Variants in SPAG16 observed in about 807,000 individuals in gnomAD.
The protein encoded by SPAG16 is sperm-associated antigen 16 protein.
In SPAG16, 86 loss-of-function variants were observed where a neutral mutation model predicts 80.4. That is an observed-to-expected ratio of 1.07 (90% CI 0.90 to 1.28). SPAG16 has a LOEUF of 1.28. Ranked by LOEUF, SPAG16 falls within the 50% of genes most tolerant of loss-of-function variation. The pLI, the probability that SPAG16 is intolerant of heterozygous loss-of-function variation, is 0.00. For synonymous variants in SPAG16, 294 were observed against 265.9 expected (o/e 1.11, Z -1.03); for missense variants, 870 against 765.3 (o/e 1.14, Z -1.61).
At chr2:214,368,295 C>A (rs182127620) in intron 15 of SPAG16, among the ~76,000 whole-genome samples, 1 of 152,178 alleles carries the variant, frequency 6.6e-6, no homozygotes, top group East Asian at 1.9e-4. Flanking sequence ...CCAACCCTAT[C>A]TTTTCCTGTC....
chr2:213,286,683 A>G (rs1018215766), intron 1 of SPAG16, among the ~76,000 whole-genome samples: 1 of 152,202 alleles, frequency 6.6e-6, no homozygotes, highest in Non-Finnish European at 1.5e-5. Context: ...CTTCTAATCT[A>G]CTGCATTTGG....
At chr2:214,307,004 C>A (rs1246542269) in intron 15 of SPAG16, among the ~76,000 whole-genome samples, 5 of 151,934 alleles carry the variant, frequency 3.3e-5, no homozygotes, top group Admixed American at 3.3e-4. Context: ...GGTGTGAATC[C>A]GTCTAGTTCT....
chr2:213,577,488 C>A (rs1222537630), intron 10 of SPAG16, among the ~76,000 whole-genome samples: 4 of 152,128 alleles, frequency 2.6e-5, no homozygotes, highest in Non-Finnish European at 5.9e-5. Context: ...CCCTCCGTTT[C>A]CTGATAAGCC....
chr2:214,129,539 C>G (rs745900777), intron 14 of SPAG16, among the ~76,000 whole-genome samples: 5 of 152,050 alleles, frequency 3.3e-5, no homozygotes, highest in Non-Finnish European at 5.9e-5. Flanking sequence ...ACAGATTTCA[C>G]CAGAAGATAT....
intron 10 of SPAG16, among the ~76,000 whole-genome samples, chr2:213,500,207 G>A (rs2074678186): frequency 6.6e-6 from 1 of 152,132 alleles, no homozygotes; most frequent in Admixed American, 6.6e-5. Flanking sequence ...TAAATTTAGA[G>A]TATATTGTGT....
chr2:214,053,443 C>T (rs1191566062), intron 13 of SPAG16, among the ~76,000 whole-genome samples: 2 of 152,148 alleles, frequency 1.3e-5, no homozygotes, highest in African/African-American at 4.8e-5. Flanking sequence ...ATCTCAGACC[C>T]TTTGAAGCAG....
At chr2:213,369,323 T>C (rs1372283148) in intron 8 of SPAG16, among the ~76,000 whole-genome samples, 1 of 152,214 alleles carries the variant, frequency 6.6e-6, no homozygotes, top group African/African-American at 2.4e-5. Context: ...ATGAGAAATA[T>C]GTTTTCCTTT....
intron 15 of SPAG16, among the ~76,000 whole-genome samples, chr2:214,308,501 T>C (rs1695079144): frequency 6.6e-6 from 1 of 152,162 alleles, no homozygotes; most frequent in African/African-American, 2.4e-5. Context: ...TGTACTTAAG[T>C]GTGTATTTGT....
chr2:213,471,944 G>C (rs1006185922), intron 9 of SPAG16, among the ~76,000 whole-genome samples: 1 of 152,194 alleles, frequency 6.6e-6, no homozygotes, highest in African/African-American at 2.4e-5. Flanking sequence ...CCCCTAGAAA[G>C]TTTACTGAGG....
chr2:213,743,916 A>AT (rs1474538363), intron 10 of SPAG16, among the ~76,000 whole-genome samples: 1 of 151,770 alleles, frequency 6.6e-6, no homozygotes, highest in Non-Finnish European at 1.5e-5. Context: ...TCCTTTTTAG[A>AT]TTTTTCATCT....
intron 9 of SPAG16, among the ~76,000 whole-genome samples, chr2:213,438,764 T>C (rs1351525575): frequency 1.3e-5 from 2 of 152,228 alleles, no homozygotes; most frequent in Non-Finnish European, 2.9e-5. Context: ...CCCAATCAAC[T>C]GAGTTAATGA....
Position 214,059,194 on chromosome 2 carries a change from A to ATATATATATGTATGTG in SPAG16, c.1527+45126_1527+45127insGTATGTGTATATATAT, listed in dbSNP as rs1553706153. Among the ~76,000 whole-genome samples, 26 of 27,238 alleles carry ATATATATATGTATGTG rather than the reference A, an allele frequency of 9.5e-4. 1 individual carries two copies. Among genetic ancestry groups the ATATATATATGTATGTG allele is most frequent in the Non-Finnish European group, 3.3e-4 (4 of 12,218 alleles). The allele number at this position is 27,238 out of a possible 152,430, so 17.9% of individuals were successfully genotyped here. ...TCTGTCTCTCTCTCTGTCTATATAT[A>ATATATATATGTATGTG]TATATATATATATATATATATGTAT... On this transcript the variant is annotated intron_variant, in intron 13 of 15. Coordinates refer to ENST00000331683, the MANE Select transcript of SPAG16 (RefSeq NM_024532.5).
chr2:213,685,775 G>A (rs937675923), intron 10 of SPAG16, among the ~76,000 whole-genome samples: 1 of 152,104 alleles, frequency 6.6e-6, no homozygotes, highest in Non-Finnish European at 1.5e-5. Flanking sequence ...ACACTAGAGT[G>A]GTAGTAATGG....
At chr2:214,012,286 A>ATTTTTTT (rs1162955315) in intron 12 of SPAG16, among the ~76,000 whole-genome samples, 59 of 54,918 alleles carry the variant, frequency 1.1e-3, no homozygotes, top group East Asian at 4.4e-3. Flanking sequence ...ATATATATAT[A>ATTTTTTT]TATTTTTTTT....
intron 10 of SPAG16, among the ~76,000 whole-genome samples, chr2:213,844,625 G>A (rs2074521080): frequency 6.6e-6 from 1 of 152,020 alleles, no homozygotes; most frequent in African/African-American, 2.4e-5. Flanking sequence ...TGATTTACGA[G>A]GACTTGGACT....
chr2:213,868,944 A>G (rs1284335374), intron 11 of SPAG16, among the ~76,000 whole-genome samples: 1 of 152,060 alleles, frequency 6.6e-6, no homozygotes, highest in Non-Finnish European at 1.5e-5. Flanking sequence ...TACATTATTT[A>G]GATTTTTAAA....
intron 15 of SPAG16, among the ~76,000 whole-genome samples, chr2:214,336,992 GT>G (rs1697339693): frequency 6.8e-6 from 1 of 147,224 alleles, no homozygotes; most frequent in South Asian, 2.3e-4. Context: ...TCAAAGACAA[GT>G]TTACAGAGAC....
At chr2:214,316,933 T>C (rs1394466239) in intron 15 of SPAG16, among the ~76,000 whole-genome samples, 1 of 152,220 alleles carries the variant, frequency 6.6e-6, no homozygotes, top group Non-Finnish European at 1.5e-5. Flanking sequence ...CCTAGGCCCT[T>C]AGCACTGTGA....
At chr2:213,824,109 C>G (rs940060732) in intron 10 of SPAG16, among the ~76,000 whole-genome samples, 1 of 152,160 alleles carries the variant, frequency 6.6e-6, no homozygotes, top group Non-Finnish European at 1.5e-5. Flanking sequence ...AGGAAGGGGT[C>G]CAGTTTCAGT....
Sources: allele counts gnomAD v4.1 joint callset (sites outside exome capture counted in the v4.1 genomes callset), GRCh38; gene constraint gnomAD v4.1.1; transcripts MANE v1.5; gene names NCBI Gene and HGNC (gene_info 2026-07-23, HGNC 2026-07-21).